The following PCDHGA2 variants were observed in gnomAD, a reference collection of about 807,000 sequenced individuals.
PCDHGA2 encodes protocadherin gamma-A2.
In PCDHGA2, 40 loss-of-function variants were observed where a neutral mutation model predicts 59.2. The observed-to-expected ratio is 0.68, with a 90% CI of 0.52 to 0.88. The LOEUF (loss-of-function observed/expected upper bound fraction) is 0.88, where lower values mean the gene tolerates loss of function less well. Among genes scored for constraint, PCDHGA2 ranks in the 40% least tolerant of loss-of-function variants. PCDHGA2 has a pLI of 0.00. For synonymous variants in PCDHGA2, 560 were observed against 526.0 expected (o/e 1.06, Z -0.89); for missense variants, 1,226 against 1,204.0 (o/e 1.02, Z -0.27).
At chr5:141,360,727 C>T in intron 1 of PCDHGA2, 1 of 1,613,988 alleles carries the variant, frequency 6.2e-7, no homozygotes, top group Non-Finnish European at 8.5e-7. Context: ...GATTCTAAAA[C>T]ACTCTCTGGA....
intron 1 of PCDHGA2, chr5:141,370,541 C>T (rs760146561): frequency 5.0e-6 from 8 of 1,613,924 alleles, no homozygotes; most frequent in Non-Finnish European, 5.9e-6. Flanking sequence ...TGGTAGGGAA[C>T]CTCGCCAAGG....
intron 1 of PCDHGA2, chr5:141,356,609 C>T: frequency 6.2e-7 from 1 of 1,614,184 alleles, no homozygotes; most frequent in Non-Finnish European, 8.5e-7. Context: ...AGAGGAGCCT[C>T]CATCTTATCT....
chr5:141,477,013 T>C lies in PCDHGA2; in HGVS notation c.2425-17794T>C. ...TGCGGCAACTATTCGCCTTAGACCT[T>C]GTAACCGGGATGCTGACAATCAAGG... On this transcript the variant is annotated intron_variant, in intron 1 of 3. Coordinates refer to ENST00000394576, the MANE Select transcript of PCDHGA2 (RefSeq NM_018915.4). The surrounding 1 kb of genome is among the most constrained non-coding windows in gnomAD (Gnocchi z 4.9). 6.2e-7 allele frequency: 1 copy of C among 1,614,204 alleles called. No homozygotes were observed. The highest frequency in any genetic ancestry group is 8.5e-7 in the Non-Finnish European group (1 of 1,180,028).
At chr5:141,416,245 C>T (rs1029299377) in intron 1 of PCDHGA2, 1 of 152,234 alleles carries the variant, frequency 6.6e-6, no homozygotes, top group Non-Finnish European at 1.5e-5. Flanking sequence ...CTATTTATAA[C>T]TGATAACACT....
chr5:141,414,657 C>T (rs1313928067), intron 1 of PCDHGA2: 1 of 1,614,004 alleles, frequency 6.2e-7, no homozygotes, highest in Admixed American at 1.7e-5. Context: ...TTATTTACTC[C>T]CTGGCTGAAG....
At chr5:141,356,983 G>A (rs1401972827) in intron 1 of PCDHGA2, 2 of 1,614,118 alleles carry the variant, frequency 1.2e-6, no homozygotes, top group Non-Finnish European at 1.7e-6. Context: ...GGTGGCAGTG[G>A]ACAGAGACTC....
rs771321011 is a variant in PCDHGA2 at position 141,371,062 on chromosome 5, G to A, written c.2424+29667G>A. On this transcript the variant is annotated intron_variant, in intron 1 of 3. Coordinates refer to ENST00000394576, the MANE Select transcript of PCDHGA2 (RefSeq NM_018915.4). ...GTGGATGGGGGCGAGCCCTCCAGAA[G>A]CTGTACCACCCAGATCAGGGTAATT... 4 of 1,613,856 alleles carry A rather than the reference G, an allele frequency of 2.5e-6. No homozygotes were observed. The highest frequency in any genetic ancestry group is 3.4e-6 in the Non-Finnish European group (4 of 1,179,884).
At chr5:141,376,920 C>G (rs527270477) in intron 1 of PCDHGA2, 1 of 173,352 alleles carries the variant, frequency 5.8e-6, no homozygotes, top group Non-Finnish European at 1.2e-5. Flanking sequence ...ATCTCCTGAC[C>G]TCATGATCCA....
chr5:141,431,790 C>T lies in PCDHGA2; in HGVS notation c.2425-63017C>T, dbSNP rs2097417829. On this transcript the variant is annotated intron_variant, in intron 1 of 3. Transcript: ENST00000394576. This position sits in a 1 kb window ranked among gnomAD's most constrained non-coding sequence, Gnocchi z 4.8. The stretch of plus-strand genomic sequence containing the variant: ...ACTGTTCTGGACGTGAACGACAATG[C>T]CCCAGAAGTGGTCCTCACCTCTCTC... 4.3e-6 allele frequency: 7 copies of T among 1,614,186 alleles called. No individual in the cohort carries two copies. The highest frequency in any genetic ancestry group is 5.9e-6 in the Non-Finnish European group (7 of 1,180,016).
chr5:141,387,727 C>T, intron 1 of PCDHGA2: 3 of 1,216,044 alleles, frequency 2.5e-6, no homozygotes, highest in South Asian at 3.2e-5. Context: ...CTCCCCAGCG[C>T]CAGCCTTTAC....
Position 141,491,364 on chromosome 5 carries a change from C to T in PCDHGA2, c.2425-3443C>T. 1 of 1,614,164 alleles carries T rather than the reference C, an allele frequency of 6.2e-7. No homozygotes were observed. The highest frequency in any genetic ancestry group is 8.5e-7 in the Non-Finnish European group (1 of 1,180,000). On this transcript the variant is annotated intron_variant, in intron 1 of 3. Coordinates refer to ENST00000394576, the MANE Select transcript of PCDHGA2 (RefSeq NM_018915.4). This position sits in a 1 kb window ranked among gnomAD's most constrained non-coding sequence, Gnocchi z 6.9. The stretch of plus-strand genomic sequence containing the variant: ...CCGTCAGTCTCTTATCCCTAGTCAC[C>T]TTCACCTTTCTGTCAGCGAAGTGCC...
In PCDHGA2 at chr5:141,357,036, C is replaced by A. The variant is rs765676515; in HGVS notation, c.2424+15641C>A. 5.6e-5 allele frequency: 90 copies of A among 1,614,042 alleles called. 2 individuals carry two copies. In the South Asian group the frequency reaches 8.8e-4, roughly 16 times the overall value. ...TGTCCTACAGCCTACTCAAGTCCAG[C>A]GAGCCGGGACTATTTGCAGTGGGGC... On this transcript the variant is annotated intron_variant, in intron 1 of 3. Transcript: ENST00000394576.
At chr5:141,356,053 A>G (rs1221177525) in intron 1 of PCDHGA2, 1 of 1,613,968 alleles carries the variant, frequency 6.2e-7, no homozygotes, top group Non-Finnish European at 8.5e-7. Flanking sequence ...CCGGAAAGTA[A>G]GAGACAAAAT....
intron 2 of PCDHGA2, among the ~76,000 whole-genome samples, chr5:141,501,294 C>CAT (rs200497585): frequency 0.16 from 9,924 of 62,810 alleles, 350 homozygotes; most frequent in Non-Finnish European, 0.25. Flanking sequence ...CCCTTATACA[C>CAT]ACACACACAC....
At position 141,422,099 on chromosome 5, in the gene PCDHGA2, A is replaced by G. The variant is rs374091819; in HGVS notation, c.2425-72708A>G. ...CGGAACATGGAAAGCAAGGCTTCTG[A>G]AATATTCCAATTGGATTCACAAACT... On this transcript the variant is annotated intron_variant, in intron 1 of 3. Transcript: ENST00000394576. 1.9e-6 allele frequency: 3 copies of G among 1,609,706 alleles called. No homozygotes were observed. The African/African-American group carries it at 4.0e-5, about 22-fold the overall frequency.
intron 1 of PCDHGA2, chr5:141,428,289 G>A: frequency 1.4e-6 from 1 of 728,400 alleles, no homozygotes; most frequent in Non-Finnish European, 2.4e-6. Context: ...CCCAAGCAAA[G>A]CTGCAGATTT....
intron 1 of PCDHGA2, chr5:141,351,871 G>A: frequency 1.2e-6 from 2 of 1,613,256 alleles, no homozygotes; most frequent in Non-Finnish European, 8.5e-7. Flanking sequence ...GCTCCCCCGC[G>A]CTCAGCGCCA....
rs1347283176 is a variant in PCDHGA2, at chr5:141,360,728, A to T, written c.2424+19333A>T. On this transcript the variant is annotated intron_variant, in intron 1 of 3. Coordinates refer to ENST00000394576, the MANE Select transcript of PCDHGA2 (RefSeq NM_018915.4). ...AAATATCCTGAGTTGATTCTAAAAC[A>T]CTCTCTGGACAGAGAAGAGCACAGT... 4 of 1,613,740 alleles carry T rather than the reference A, an allele frequency of 2.5e-6. No individual in the cohort carries two copies. The African/African-American group carries it at 5.3e-5, about 22-fold the overall frequency.
Position 141,409,996 on chromosome 5 carries a change from G to C in PCDHGA2, c.2424+68601G>C, listed in dbSNP as rs1561724976. 8.7e-6 allele frequency: 14 copies of C among 1,613,014 alleles called. No homozygotes were observed. The Admixed American group carries it at 1.8e-4, about 21-fold the overall frequency. On this transcript the variant is annotated intron_variant, in intron 1 of 3. Transcript: ENST00000394576. ...AGGTGGTAGCGGTGGACGCCGACTC[G>C]GGACACAACGCCTGGCTGTCCTACC...
Sources: gnomAD v4.1 joint callset for allele counts (sites outside exome capture counted in the v4.1 genomes callset) on GRCh38, gnomAD v4.1.1 for gene constraint, Gnocchi (gnomAD v3.1) non-coding constraint, MANE v1.5 for transcripts, NCBI Gene and HGNC (gene_info 2026-07-23, HGNC 2026-07-21) for gene names.